ZNF469: variants seen among roughly 807,000 people sequenced by gnomAD.
ZNF469 encodes zinc finger protein 469.
A neutral mutation model predicts 1.0 loss-of-function variants in ZNF469; 1 was observed. The ratio of observed to expected loss-of-function variants is 1.00; its 90% CI spans 0.35 to 4.73. The LOEUF is 4.73. Among genes scored for constraint, ZNF469 ranks in the 30% most tolerant of loss-of-function variants. The probability of loss-of-function intolerance (pLI) is 0.16; values close to 1 mark genes in which losing one functional copy is unlikely to be tolerated. For synonymous variants in ZNF469, 2,703 were observed against 2,363.4 expected, an observed-to-expected ratio of 1.14 and a Z score of -4.17; for missense variants, 6,100 against 5,356.3, an observed-to-expected ratio of 1.14 and a Z score of -4.33.
upstream of ZNF469, among the ~76,000 whole-genome samples, chr16:88,382,397 C>T (rs1414996856): frequency 6.6e-6 from 1 of 152,242 alleles, no homozygotes; most frequent in Non-Finnish European, 1.5e-5. Flanking sequence ...GCAATGCTGC[C>T]GAACTCACGG....
the ZNF469 span, among the ~76,000 whole-genome samples, chr16:88,133,788 A>G: frequency 1.3e-5 from 2 of 152,212 alleles, no homozygotes; most frequent in African/African-American, 4.8e-5. Flanking sequence ...CTGATTGTAC[A>G]TTATGCATAA....
the ZNF469 span, among the ~76,000 whole-genome samples, chr16:88,346,331 A>G: frequency 2.6e-5 from 4 of 152,116 alleles, no homozygotes; most frequent in African/African-American, 9.7e-5. Context: ...GGACCCAGCT[A>G]CGCTTGTCCA....
chr16:88,383,959 TC>T lies in ZNF469; in HGVS notation c.-192+706del, dbSNP rs562377377. On this transcript the variant is annotated intron_variant, in intron 1 of 2. Transcript: ENST00000565624. ...GGCCGGAAGGGAAGGCCAATGGGGC[TC>T]GGGGGACTCCCGCGGCCACCCAGTC... Among the ~76,000 whole-genome samples, 219 of 152,206 alleles carry T rather than the reference TC, an allele frequency of 1.4e-3. 1 individual carries two copies. The highest frequency in any genetic ancestry group is 5.1e-3 in the African/African-American group (210 of 41,548).
the ZNF469 span, among the ~76,000 whole-genome samples, chr16:88,318,970 G>T: frequency 3.9e-5 from 6 of 152,362 alleles, no homozygotes; most frequent in African/African-American, 1.4e-4. Flanking sequence ...GAGCCCAAAA[G>T]TCTCATTACC....
chr16:88,428,145 C>A lies in ZNF469; in HGVS notation c.675C>A (p.Pro225=), dbSNP rs779765231. 3.2e-6 allele frequency: 5 copies of A among 1,550,052 alleles called. No individual in the cohort carries two copies. Among genetic ancestry groups the A allele is most frequent in the Non-Finnish European group, 4.4e-6 (5 of 1,146,906 alleles). The change falls in exon 3 of 3, where the codon CCC becomes CCA. Residue 225 remains proline, a synonymous_variant. Transcript: ENST00000565624. ...GTSPLQPGSY[P]EYQASGADSW... ...GCCCCCTCCAGCCCGGTTCCTATCCCGAATACCAGGCCAGTGGGGCCGACT... is the reference window on the plus strand; with the variant it reads ...GCCCCCTCCAGCCCGGTTCCTATCCAGAATACCAGGCCAGTGGGGCCGACT...
chr16:88,345,864 G>T, the ZNF469 span, among the ~76,000 whole-genome samples: 1 of 152,318 alleles, frequency 6.6e-6, no homozygotes, highest in Admixed American at 6.5e-5. Context: ...GTGACCTTCA[G>T]GCTTCAGCAA....
chr16:88,366,924 CCAT>C, the ZNF469 span, among the ~76,000 whole-genome samples: 1 of 152,066 alleles, frequency 6.6e-6, no homozygotes, highest in African/African-American at 2.4e-5. Context: ...ATCATCAAGA[CCAT>C]CATCATTATG....
At chr16:88,148,230 C>A in the ZNF469 span, among the ~76,000 whole-genome samples, 1 of 152,142 alleles carries the variant, frequency 6.6e-6, no homozygotes, top group Non-Finnish European at 1.5e-5. Context: ...GGGGCAGAGG[C>A]GTGTGGTGTT....
the ZNF469 span, among the ~76,000 whole-genome samples, chr16:88,123,136 C>G: frequency 3.3e-5 from 5 of 152,194 alleles, no homozygotes; most frequent in Non-Finnish European, 7.3e-5. Context: ...ATAGCCAGCA[C>G]CATCCCGAGA....
chr16:88,257,378 T>C, the ZNF469 span, among the ~76,000 whole-genome samples: 1 of 152,026 alleles, frequency 6.6e-6, no homozygotes, highest in Non-Finnish European at 1.5e-5. Flanking sequence ...ATTATTGAGT[T>C]TTAGGAATTC....
At position 88,427,543 on chromosome 16, in the gene ZNF469, A is replaced by G; in HGVS notation, c.73A>G (p.Ser25Gly). 6.5e-7 allele frequency: 1 copy of G among 1,536,450 alleles called. No individual in the cohort carries two copies. The highest frequency in any genetic ancestry group is 8.7e-7 in the Non-Finnish European group (1 of 1,146,052). The change falls in exon 3 of 3, where the codon AGC becomes GGC. Residue 25 changes from serine to glycine, a missense_variant. Transcript: ENST00000565624. ...TGDLQPRQVA[S>G]SPGHPSQPPL... The stretch of plus-strand genomic sequence containing the variant: ...AGACCTGCAGCCCCGCCAAGTTGCC[A>G]GCAGCCCGGGGCACCCCTCCCAGCC...
intron 1 of ZNF469, among the ~76,000 whole-genome samples, chr16:88,401,713 AGATGGATGGGTG>A (rs1904872995): frequency 7.1e-5 from 5 of 70,898 alleles, no homozygotes; most frequent in Non-Finnish European, 1.4e-4. Flanking sequence ...ATATATGGGT[AGATGGATGGGTG>A]GATGGGTGGA....
At chr16:88,324,897 T>A in the ZNF469 span, among the ~76,000 whole-genome samples, 6 of 152,110 alleles carry the variant, frequency 3.9e-5, no homozygotes, top group African/African-American at 1.4e-4. Context: ...GAAAAGAGGG[T>A]TGGCTCACAG....
Position 88,430,558 on chromosome 16 carries a change from C to T in ZNF469, c.3088C>T (p.Leu1030=). 3 of 1,472,628 alleles carry T rather than the reference C, an allele frequency of 2.0e-6. No homozygotes were observed. Among genetic ancestry groups the T allele is most frequent in the Non-Finnish European group, 2.7e-6 (3 of 1,118,806 alleles). The allele number at this position is 1,472,628 out of a possible 1,614,324, so 91.2% of individuals were successfully genotyped here. The change falls in exon 3 of 3, where the codon CTG becomes TTG. Residue 1030 remains leucine (L), a synonymous_variant. Transcript: ENST00000565624. The part of the protein sequence containing the change: ...EETRSSRRRR[L]PPRKDPRKRK... ...GACCCGCAGCTCCCGGCGCCGCCGG[C>T]TGCCCCCCAGGAAGGACCCCAGGAA...
At position 88,427,500 on chromosome 16, in the gene ZNF469, G is replaced by GC. The variant is rs1350473091; in HGVS notation, c.36dup (p.Thr13HisfsTer137). ...CTGGGGAGCGCCCCCGAGGAGCGCC[G>GC]CCCCCCACCATGACTGGAGACCTGC... On this transcript the variant is annotated frameshift_variant, in exon 3 of 3. Coordinates refer to ENST00000565624, the MANE Select transcript of ZNF469 (RefSeq NM_001367624.2). LOFTEE classifies it low-confidence loss of function (END_TRUNC). 14 of 1,528,596 alleles carry GC rather than the reference G, an allele frequency of 9.2e-6. No individual in the cohort carries two copies. Among genetic ancestry groups the GC allele is most frequent in the African/African-American group, 1.4e-5 (1 of 72,784 alleles). The allele number at this position is 1,528,596 out of a possible 1,614,324, so 94.7% of individuals were successfully genotyped here. A position where few individuals can be genotyped will look rare whatever the true frequency, so the allele number is the denominator to read the frequency against.
At chr16:88,364,108 T>C in the ZNF469 span, among the ~76,000 whole-genome samples, 1 of 152,246 alleles carries the variant, frequency 6.6e-6, no homozygotes, top group Non-Finnish European at 1.5e-5. Context: ...GCTTTGTTAT[T>C]TTACCTTTCA....
the ZNF469 span, among the ~76,000 whole-genome samples, chr16:88,183,264 T>G: frequency 6.6e-6 from 1 of 152,180 alleles, no homozygotes; most frequent in African/African-American, 2.4e-5. Context: ...GTTGAGCTGA[T>G]GAGTTGAACG....
the ZNF469 span, among the ~76,000 whole-genome samples, chr16:88,180,224 T>C: frequency 6.6e-6 from 1 of 152,078 alleles, no homozygotes; most frequent in African/African-American, 2.4e-5. Flanking sequence ...GGTGGTAGAT[T>C]TAAATTCAAC....
chr16:88,366,105 C>T, the ZNF469 span, among the ~76,000 whole-genome samples: 1 of 149,660 alleles, frequency 6.7e-6, no homozygotes, highest in Non-Finnish European at 1.5e-5. Flanking sequence ...TCACCATCAT[C>T]ACCATCATCA....
Sources: allele counts gnomAD v4.1 joint callset (sites outside exome capture counted in the v4.1 genomes callset), GRCh38; gene constraint gnomAD v4.1.1; transcripts MANE v1.5; gene names NCBI Gene and HGNC (gene_info 2026-07-23, HGNC 2026-07-21).